Variants in EEIG2 observed in about 807,000 individuals in gnomAD.
EEIG2 encodes the protein EEIG family member 2, also known as family with sequence similarity 102 member B.
chr1:108,589,616 T>A, the EEIG2 span, among the ~76,000 whole-genome samples: 4 of 152,046 alleles, frequency 2.6e-5, no homozygotes, highest in African/African-American at 2.4e-5. Context: ...ACTGTTGACG[T>A]GTTAGCCTCC....
chr1:108,571,535 T>C, the EEIG2 span, among the ~76,000 whole-genome samples: 1 of 152,008 alleles, frequency 6.6e-6, no homozygotes, highest in East Asian at 1.9e-4. Context: ...GATTGAGGAT[T>C]TAGGGAGAAT....
At chr1:108,566,893 T>C in the EEIG2 span, among the ~76,000 whole-genome samples, 1 of 152,120 alleles carries the variant, frequency 6.6e-6, no homozygotes, top group African/African-American at 2.4e-5. Context: ...GCACAAAGTT[T>C]CAATTAGGTG....
the EEIG2 span, chr1:108,628,102 T>A: frequency 2.9e-6 from 4 of 1,361,878 alleles, no homozygotes; most frequent in South Asian, 4.7e-5. Flanking sequence ...GTCTGCAGAG[T>A]AGAATACAAA....
chr1:108,588,478 T>C, the EEIG2 span, among the ~76,000 whole-genome samples: 1 of 152,224 alleles, frequency 6.6e-6, no homozygotes, highest in African/African-American at 2.4e-5. Context: ...TCTTTTCACA[T>C]ACTTCTTGGC....
the EEIG2 span, among the ~76,000 whole-genome samples, chr1:108,574,828 C>T: frequency 6.6e-6 from 1 of 152,150 alleles, no homozygotes; most frequent in Non-Finnish European, 1.5e-5. Flanking sequence ...ATTTCATCCC[C>T]TCCAAATGTT....
At chr1:108,588,044 T>C in the EEIG2 span, among the ~76,000 whole-genome samples, 495 of 152,282 alleles carry the variant, frequency 3.3e-3, 4 homozygotes, top group Non-Finnish European at 5.9e-3. Flanking sequence ...GATTTCCTTC[T>C]TTTTTAAGGC....
the EEIG2 span, chr1:108,627,786 G>A: frequency 2.3e-3 from 402 of 171,990 alleles, 1 homozygote; most frequent in Non-Finnish European, 3.8e-3. Context: ...TACCAATTTT[G>A]TGAACATTTA....
At chr1:108,614,759 A>G in the EEIG2 span, among the ~76,000 whole-genome samples, 1 of 152,188 alleles carries the variant, frequency 6.6e-6, no homozygotes, top group Non-Finnish European at 1.5e-5. Context: ...TCATCAACAT[A>G]TAAAGAAACA....
chr1:108,600,972 T>G, the EEIG2 span, among the ~76,000 whole-genome samples: 1 of 152,166 alleles, frequency 6.6e-6, no homozygotes, highest in East Asian at 1.9e-4. Flanking sequence ...ATCCACTATT[T>G]GTTAAATTCC....
the EEIG2 span, chr1:108,628,265 A>G: frequency 6.2e-7 from 1 of 1,614,110 alleles, no homozygotes; most frequent in Non-Finnish European, 8.5e-7. Context: ...AGTATCAGGT[A>G]GAGGCTAACA....
the EEIG2 span, among the ~76,000 whole-genome samples, chr1:108,593,729 G>A: frequency 6.6e-6 from 1 of 152,168 alleles, no homozygotes; most frequent in Non-Finnish European, 1.5e-5. Flanking sequence ...ACTACTAGGT[G>A]GGTTCACCAG....
At chr1:108,632,969 G>T in the EEIG2 span, among the ~76,000 whole-genome samples, 2 of 63,978 alleles carry the variant, frequency 3.1e-5, no homozygotes, top group Non-Finnish European at 3.1e-5. Flanking sequence ...TTTTTTTATA[G>T]AGACAGAGTC....
At chr1:108,600,991 A>G in the EEIG2 span, among the ~76,000 whole-genome samples, 1 of 152,062 alleles carries the variant, frequency 6.6e-6, no homozygotes, top group African/African-American at 2.4e-5. Flanking sequence ...CCTAGTTTTT[A>G]TTAGGCATTG....
At chr1:108,599,758 G>T in the EEIG2 span, among the ~76,000 whole-genome samples, 5 of 152,198 alleles carry the variant, frequency 3.3e-5, no homozygotes, top group Non-Finnish European at 7.3e-5. Context: ...TTGGGAGGCC[G>T]AGGCAGGTGG....
chr1:108,589,656 C>G, the EEIG2 span, among the ~76,000 whole-genome samples: 1 of 152,000 alleles, frequency 6.6e-6, no homozygotes, highest in East Asian at 1.9e-4. Context: ...CTCGTATACC[C>G]TAAGTGTTCA....
At chr1:108,616,886 A>G in the EEIG2 span, among the ~76,000 whole-genome samples, 1 of 152,182 alleles carries the variant, frequency 6.6e-6, no homozygotes, top group East Asian at 1.9e-4. Flanking sequence ...CAAACGGTTC[A>G]TAAGCGCTTT....
the EEIG2 span, among the ~76,000 whole-genome samples, chr1:108,622,520 G>A: frequency 2.6e-5 from 4 of 152,188 alleles, no homozygotes; most frequent in Non-Finnish European, 5.9e-5. Context: ...AGGAGGCAGA[G>A]GTGATATCCG....
the EEIG2 span, among the ~76,000 whole-genome samples, chr1:108,611,420 C>A: frequency 5.3e-5 from 8 of 152,080 alleles, no homozygotes; most frequent in Admixed American, 6.5e-5. Context: ...TATAGGGCAA[C>A]CTTTGGCAGC....
chr1:108,587,252 T>C, the EEIG2 span, among the ~76,000 whole-genome samples: 2 of 152,130 alleles, frequency 1.3e-5, no homozygotes, highest in Non-Finnish European at 2.9e-5. Context: ...TGATTTTGAA[T>C]AGACTGTTTT....
Sources: allele counts gnomAD v4.1 joint callset (sites outside exome capture counted in the v4.1 genomes callset), GRCh38; gene constraint gnomAD v4.1.1; transcripts MANE v1.5; gene names NCBI Gene and HGNC (gene_info 2026-07-23, HGNC 2026-07-21).